The following PKN2 variants were observed in gnomAD, a reference collection of about 807,000 sequenced individuals.
PKN2 encodes the protein serine/threonine-protein kinase N2.
Under a neutral mutation model 119.1 loss-of-function variants are expected in PKN2, and 38 were observed. The ratio of observed to expected loss-of-function variants is 0.32; its 90% CI spans 0.25 to 0.42. The LOEUF is 0.42. Among genes scored for constraint, PKN2 ranks in the 10% least tolerant of loss-of-function variants. PKN2 has a pLI of 1.00. For missense variants in PKN2, 850 were observed against 1,165.1 expected (o/e 0.73, Z 3.94); for synonymous variants, 390 against 384.9 (o/e 1.01, Z -0.15).
At chr1:88,712,859 T>C (rs1557557629) in intron 1 of PKN2, among the ~76,000 whole-genome samples, 1 of 152,192 alleles carries the variant, frequency 6.6e-6, no homozygotes, top group Non-Finnish European at 1.5e-5. Flanking sequence ...ATGTGCCATG[T>C]TGGTGTGCTG....
intron 1 of PKN2, among the ~76,000 whole-genome samples, chr1:88,727,944 A>T (rs1409120019): frequency 6.6e-6 from 1 of 152,052 alleles, no homozygotes; most frequent in Non-Finnish European, 1.5e-5. Flanking sequence ...TGGTATTTCA[A>T]AAAGATTTCT....
intron 2 of PKN2, among the ~76,000 whole-genome samples, chr1:88,755,417 T>G (rs1053307374): frequency 6.6e-6 from 1 of 152,206 alleles, no homozygotes; most frequent in Non-Finnish European, 1.5e-5. Flanking sequence ...AAGTTTACTT[T>G]ATATAAGACA....
chr1:88,745,429 C>G (rs1442045230), intron 2 of PKN2, among the ~76,000 whole-genome samples: 1 of 152,088 alleles, frequency 6.6e-6, no homozygotes, highest in Non-Finnish European at 1.5e-5. Flanking sequence ...TTGCAAGATA[C>G]AAAATCAGCA....
chr1:88,685,883 T>C (rs1666074516), intron 1 of PKN2, among the ~76,000 whole-genome samples: 1 of 152,214 alleles, frequency 6.6e-6, no homozygotes. Context: ...ATAAGTTTGG[T>C]TTCTTGTGCA....
intron 6 of PKN2, among the ~76,000 whole-genome samples, chr1:88,782,132 T>C (rs1670370936): frequency 6.6e-6 from 1 of 152,196 alleles, no homozygotes; most frequent in South Asian, 2.1e-4. Context: ...ACTATACATA[T>C]GTTAAGTGTA....
In PKN2 at chr1:88,833,556, G is replaced by A; in HGVS notation, c.*108G>A. On this transcript the variant is annotated 3_prime_UTR_variant, in exon 22 of 22. Transcript: ENST00000370521. ...AATAGCTTCTGAGTTTTTTGTTGTT[G>A]TTGTTTTTATTGAAACACGTGAAGA... 1.2e-6 allele frequency: 1 copy of A among 807,184 alleles called. No individual in the cohort carries two copies. Among genetic ancestry groups the A allele is most frequent in the Non-Finnish European group, 2.0e-6 (1 of 499,154 alleles). The allele number at this position is 807,184 out of a possible 1,614,324, so 50.0% of individuals were successfully genotyped here. A position where few individuals can be genotyped will look rare whatever the true frequency, so the allele number is the denominator to read the frequency against.
chr1:88,765,739 A>T (rs901115521), intron 3 of PKN2, among the ~76,000 whole-genome samples: 1 of 152,224 alleles, frequency 6.6e-6, no homozygotes, highest in Non-Finnish European at 1.5e-5. Context: ...AGACTTATTT[A>T]TTATAATGAC....
intron 3 of PKN2, among the ~76,000 whole-genome samples, chr1:88,766,941 A>G (rs1246760430): frequency 6.6e-6 from 1 of 152,198 alleles, no homozygotes; most frequent in Non-Finnish European, 1.5e-5. Context: ...ATAAAATACA[A>G]GTGCTGTTTC....
At chr1:88,829,556 A>G (rs1210273059) in intron 19 of PKN2, 1 of 160,138 alleles carries the variant, frequency 6.2e-6, no homozygotes, top group African/African-American at 2.4e-5. Context: ...CATAGAAATT[A>G]TTACTATTAG....
intron 17 of PKN2, among the ~76,000 whole-genome samples, chr1:88,823,383 G>T (rs1672370766): frequency 1.3e-5 from 2 of 151,974 alleles, no homozygotes; most frequent in African/African-American, 4.8e-5. Context: ...CTTTCTTATG[G>T]ATGGTATATA....
intron 6 of PKN2, among the ~76,000 whole-genome samples, chr1:88,784,132 CTTTTTTT>C (rs397862410): frequency 1.9e-5 from 2 of 103,950 alleles, no homozygotes; most frequent in Non-Finnish European, 3.7e-5. Flanking sequence ...GATGCTGTTC[CTTTTTTT>C]TTTTTTTTTT....
chr1:88,800,544 T>C (rs1455380359), intron 8 of PKN2, among the ~76,000 whole-genome samples: 1 of 152,206 alleles, frequency 6.6e-6, no homozygotes, highest in East Asian at 1.9e-4. Flanking sequence ...AATATTCTAA[T>C]GTTGAAACTA....
chr1:88,734,552 T>C (rs1429468756), intron 1 of PKN2, among the ~76,000 whole-genome samples: 3 of 152,204 alleles, frequency 2.0e-5, no homozygotes, highest in African/African-American at 7.2e-5. Flanking sequence ...CATTGATTTG[T>C]GTGTCTTTTT....
intron 1 of PKN2, among the ~76,000 whole-genome samples, chr1:88,686,733 CTCCAAATATT>C (rs543019980): frequency 1.7e-3 from 252 of 152,178 alleles, no homozygotes; most frequent in African/African-American, 5.4e-3. Context: ...AAGTTTGCTT[CTCCAAATATT>C]TCCATCTATT....
intron 2 of PKN2, among the ~76,000 whole-genome samples, chr1:88,752,401 T>A (rs1669039139): frequency 6.6e-6 from 1 of 152,128 alleles, no homozygotes; most frequent in Non-Finnish European, 1.5e-5. Context: ...ATAAATACAG[T>A]AAGTAAAATC....
intron 1 of PKN2, among the ~76,000 whole-genome samples, chr1:88,727,105 T>C (rs1667927082): frequency 6.6e-6 from 1 of 152,076 alleles, no homozygotes; most frequent in Non-Finnish European, 1.5e-5. Context: ...TTTGAAGCTG[T>C]GTTGTTTCCA....
At chr1:88,786,577 CTA>C (rs1670586141) in intron 8 of PKN2, among the ~76,000 whole-genome samples, 1 of 152,088 alleles carries the variant, frequency 6.6e-6, no homozygotes, top group African/African-American at 2.4e-5. Context: ...TTGAAATGAG[CTA>C]TTAGGCTTGG....
intron 17 of PKN2, among the ~76,000 whole-genome samples, chr1:88,823,442 C>T (rs912329949): frequency 6.6e-6 from 1 of 151,974 alleles, no homozygotes; most frequent in African/African-American, 2.4e-5. Flanking sequence ...TGGCTCATAC[C>T]TGTAATCCCA....
intron 6 of PKN2, among the ~76,000 whole-genome samples, chr1:88,778,735 A>G (rs565222960): frequency 4.2e-4 from 62 of 148,596 alleles, no homozygotes; most frequent in African/African-American, 3.2e-4. Flanking sequence ...TTTTTTCGAG[A>G]CAGAGTCTCG....
Sources: gnomAD v4.1 joint callset for allele counts (sites outside exome capture counted in the v4.1 genomes callset) on GRCh38, gnomAD v4.1.1 for gene constraint, MANE v1.5 for transcripts, NCBI Gene and HGNC (gene_info 2026-07-23, HGNC 2026-07-21) for gene names.